The following PCNA variants were observed in gnomAD, a reference collection of about 807,000 sequenced individuals.
The protein encoded by PCNA is DNA sliding clamp PCNA.
Under a neutral mutation model 27.8 loss-of-function variants are expected in PCNA, and 4 were observed. That is an observed-to-expected ratio of 0.14 (90% confidence interval 0.07 to 0.33). The LOEUF is 0.33. PCNA is among the 10% of genes least tolerant of loss of function. The pLI is 1.00. For synonymous variants in PCNA, 121 were observed against 119.4 expected, an observed-to-expected ratio of 1.01 and a Z score of -0.09; for missense variants, 165 against 327.4, an observed-to-expected ratio of 0.50 and a Z score of 3.83.
chr20:5,115,060 GAC>G lies in PCNA; in HGVS notation c.*221_*222del, dbSNP rs1174653231. 4 of 409,990 alleles carry G rather than the reference GAC, an allele frequency of 9.8e-6. No individual in the cohort carries two copies. Among genetic ancestry groups the G allele is most frequent in the African/African-American group, 8.2e-5 (4 of 48,706 alleles). 25.4% of individuals were successfully genotyped at this position (409,990 alleles called of 1,614,324 possible). A position where few individuals can be genotyped will look rare whatever the true frequency, so the allele number is the denominator to read the frequency against. On this transcript the variant is annotated 3_prime_UTR_variant, in exon 6 of 6. Coordinates refer to ENST00000379143, the MANE Select transcript of PCNA (RefSeq NM_182649.2). ...ATAAAAATCACAAGTATTTCTAAGA[GAC>G]AAAAATACTTCTAGGTTAACTAGAC...
intron 5 of PCNA, 41 bp downstream of exon 5, chr20:5,115,406 CAT>C (rs2090468002): frequency 6.2e-7 from 1 of 1,613,592 alleles, no homozygotes; most frequent in Non-Finnish European, 8.5e-7. Flanking sequence ...GTATGTATCA[CAT>C]ATGACTACCT....
In PCNA at chr20:5,119,635, T is replaced by G. The variant is rs759826699; in HGVS notation, c.164A>C (p.Glu55Ala). 1 of 1,613,752 alleles carries G rather than the reference T, an allele frequency of 6.2e-7. No individual in the cohort carries two copies. Among genetic ancestry groups the G allele is most frequent in the Admixed American group, 1.7e-5 (1 of 59,988 alleles). ...GTCGCAGCGGTAGGTGTCGAAGCCC[T>G]CAGACCGCAGGGTGAGCTGCACCAA... ...VSLVQLTLRS[E>A]GFDTYRCDRN... The change falls in exon 1 of 6, where the codon GAG becomes GCG. Residue 55 changes from glutamate to alanine, a missense_variant. By Grantham distance (107) the Glu-to-Ala change is moderately radical. Transcript: ENST00000379143.
chr20:5,119,956 A>C lies in PCNA; in HGVS notation c.-158T>G, dbSNP rs920134484. On this transcript the variant is annotated 5_prime_UTR_variant, in exon 1 of 6. The change creates a new upstream start codon in the 5' untranslated region. Coordinates refer to ENST00000379143, the MANE Select transcript of PCNA (RefSeq NM_182649.2). The stretch of plus-strand genomic sequence containing the variant: ...CACTCTGCTACGCCTGCAACCGTTT[A>C]ATGCCGCCGCGTCCGCAAGCGCGCG... 1.6e-5 allele frequency: 10 copies of C among 628,814 alleles called. No individual in the cohort carries two copies. Among genetic ancestry groups the C allele is most frequent in the Non-Finnish European group, 1.4e-5 (5 of 360,094 alleles). The allele number at this position is 628,814 out of a possible 1,614,324, so 39.0% of individuals were successfully genotyped here.
At chr20:5,118,488 A>G in intron 3 of PCNA, 122 bp downstream of exon 3, 1 of 680,694 alleles carries the variant, frequency 1.5e-6, no homozygotes, top group South Asian at 1.8e-5. Context: ...GCTATATGGC[A>G]CTACTGCACT....
chr20:5,115,030 G>C lies in PCNA; in HGVS notation c.*253C>G. On this transcript the variant is annotated 3_prime_UTR_variant, in exon 6 of 6. Coordinates refer to ENST00000379143, the MANE Select transcript of PCNA (RefSeq NM_182649.2). ...CTGCATTTAGAGTCAAGACCCTTTT[G>C]TATTATAAAAATCACAAGTATTTCT... The C allele has an allele frequency of 2.9e-6, 1 of 349,826 alleles. No homozygotes were observed. Among genetic ancestry groups the C allele is most frequent in the Non-Finnish European group, 5.3e-6 (1 of 189,670 alleles). 21.7% of individuals were successfully genotyped at this position (349,826 alleles called of 1,614,324 possible).
intron 4 of PCNA, among the ~76,000 whole-genome samples, chr20:5,116,585 T>C (rs762528008): frequency 9.9e-5 from 15 of 152,234 alleles, no homozygotes; most frequent in Non-Finnish European, 2.2e-4. Flanking sequence ...TATTTAATCC[T>C]AACAAGGTTA....
At chr20:5,122,428 T>C (rs980255825), upstream of PCNA, among the ~76,000 whole-genome samples, 1 of 152,284 alleles carries the variant, frequency 6.6e-6, no homozygotes, top group African/African-American at 2.4e-5. Context: ...GCTGTTTTTC[T>C]GTATAATATC....
At chr20:5,120,718 C>T (rs956049062), upstream of PCNA, among the ~76,000 whole-genome samples, 1 of 152,154 alleles carries the variant, frequency 6.6e-6, no homozygotes, top group Non-Finnish European at 1.5e-5. Context: ...ACTACAAACA[C>T]CTTTGAGCAC....
At chr20:5,115,428 G>T (rs753314933) in intron 5 of PCNA, 21 bp downstream of exon 5, 3 of 1,613,774 alleles carry the variant, frequency 1.9e-6, no homozygotes, top group African/African-American at 1.3e-5. Flanking sequence ...TACAAAACAA[G>T]GTTCAAATTT....
upstream of PCNA, among the ~76,000 whole-genome samples, chr20:5,122,421 G>A (rs971194421): frequency 3.9e-5 from 6 of 152,342 alleles, no homozygotes; most frequent in Admixed American, 2.0e-4. Flanking sequence ...TGATTCTGCT[G>A]TTTTTCTGTA....
chr20:5,124,792 C>T (rs563439416), upstream of PCNA, among the ~76,000 whole-genome samples: 21 of 152,250 alleles, frequency 1.4e-4, no homozygotes, highest in South Asian at 3.1e-3. Context: ...GTTCCATTAA[C>T]CTGAGAGGGC....
chr20:5,125,487 T>G (rs1426788771), intron 1 of PCNA, among the ~76,000 whole-genome samples: 1 of 152,146 alleles, frequency 6.6e-6, no homozygotes, highest in Non-Finnish European at 1.5e-5. Context: ...AATTAAAATT[T>G]AAAAATTGAA....
At chr20:5,121,417 A>T (rs2090517429), upstream of PCNA, 1 of 114,658 alleles carries the variant, frequency 8.7e-6, no homozygotes, top group African/African-American at 3.5e-5. Context: ...TTCCTAGTTC[A>T]GCTGTGACTC....
At chr20:5,118,721 G>A in intron 2 of PCNA, 44 bp from the exon 3 acceptor site, 1 of 1,606,198 alleles carries the variant, frequency 6.2e-7, no homozygotes, top group Non-Finnish European at 8.5e-7. Flanking sequence ...CTGACACAGA[G>A]TTTTGATTTT....
upstream of PCNA, chr20:5,121,337 A>C (rs1239441680): frequency 2.0e-5 from 3 of 149,698 alleles, no homozygotes; most frequent in African/African-American, 7.4e-5. Context: ...ATGGCTTCAA[A>C]TATCTCCTCT....
At chr20:5,118,945 T>TA in intron 1 of PCNA, 79 bp from the exon 2 acceptor site, 1 of 916,180 alleles carries the variant, frequency 1.1e-6, no homozygotes, top group Non-Finnish European at 1.8e-6. Flanking sequence ...TAGAAGGGGT[T>TA]ACCACTCTCA....
At chr20:5,116,652 G>A (rs189114365) in intron 4 of PCNA, among the ~76,000 whole-genome samples, 1 of 152,156 alleles carries the variant, frequency 6.6e-6, no homozygotes, top group African/African-American at 2.4e-5. Flanking sequence ...CCAGGTTAGC[G>A]AGTTTTTTTT....
At chr20:5,122,122 C>T (rs1252428998), upstream of PCNA, among the ~76,000 whole-genome samples, 1 of 152,084 alleles carries the variant, frequency 6.6e-6, no homozygotes, top group Non-Finnish European at 1.5e-5. Flanking sequence ...GCTAGGATTA[C>T]AGGCATGCGC....
In PCNA at chr20:5,117,509, T is replaced by C. The variant is rs1600447192; in HGVS notation, c.543A>G (p.Lys181=). 6.2e-7 allele frequency: 1 copy of C among 1,613,972 alleles called. No homozygotes were observed. Among genetic ancestry groups the C allele is most frequent in the Non-Finnish European group, 8.5e-7 (1 of 1,179,908 alleles). Reference sequence around the variant, plus strand: ...TATCGACATTACTTGTCTGTGACAATTTAATGTTTCCATTTCCAAGTTCTC... The same window carrying C: ...TATCGACATTACTTGTCTGTGACAACTTAATGTTTCCATTTCCAAGTTCTC... ...ASGELGNGNI[K]LSQTSNVDKE... is the part of the protein sequence containing the mutation. The change falls in exon 4 of 6, where the codon AAA becomes AAG. Residue 181 remains lysine (K), a synonymous_variant. Transcript: ENST00000379143.
Sources: gnomAD v4.1 joint callset for allele counts (sites outside exome capture counted in the v4.1 genomes callset) on GRCh38, gnomAD v4.1.1 for gene constraint, MANE v1.5 for transcripts, NCBI Gene and HGNC (gene_info 2026-07-23, HGNC 2026-07-21) for gene names.